CSGALNACT1: variants seen among roughly 807,000 people sequenced by gnomAD.
The protein encoded by CSGALNACT1 is beta4GalNAcT-1.
A neutral mutation model predicts 51.0 loss-of-function variants in CSGALNACT1; 52 were observed. The observed-to-expected ratio is 1.02, with a 90% CI of 0.82 to 1.29. The LOEUF is 1.29. Ranked by LOEUF, CSGALNACT1 falls within the 50% of genes most tolerant of loss-of-function variation. The pLI, the probability that CSGALNACT1 is intolerant of heterozygous loss-of-function variation, is 0.00. For synonymous variants in CSGALNACT1, 341 were observed against 254.4 expected, an observed-to-expected ratio of 1.34 and a Z score of -3.24; for missense variants, 935 against 679.2, an observed-to-expected ratio of 1.38 and a Z score of -4.19.
chr8:19,735,839 A>G (rs2063938111), intron 1 of CSGALNACT1, among the ~76,000 whole-genome samples: 1 of 152,216 alleles, frequency 6.6e-6, no homozygotes, highest in South Asian at 2.1e-4. Flanking sequence ...ATTGAACATT[A>G]AAAACAAATT....
intron 8 of CSGALNACT1, among the ~76,000 whole-genome samples, chr8:19,411,399 C>G (rs139945779): frequency 2.6e-3 from 394 of 152,292 alleles, no homozygotes; most frequent in African/African-American, 9.1e-3. Flanking sequence ...TCTCCAGCAC[C>G]CAGAACATTG....
At chr8:19,425,157 A>G (rs1309698871) in intron 6 of CSGALNACT1, among the ~76,000 whole-genome samples, 1 of 152,188 alleles carries the variant, frequency 6.6e-6, no homozygotes, top group African/African-American at 2.4e-5. Flanking sequence ...GAACTGACCA[A>G]CATGGTGAAA....
chr8:19,563,546 ATC>A (rs1312276872), intron 3 of CSGALNACT1, among the ~76,000 whole-genome samples: 2 of 152,104 alleles, frequency 1.3e-5, no homozygotes, highest in Non-Finnish European at 2.9e-5. Flanking sequence ...TTGCCTCCAC[ATC>A]TGTGTCAAAA....
At chr8:19,601,676 A>G in intron 2 of CSGALNACT1, 95 bp downstream of exon 2, 1 of 360,802 alleles carries the variant, frequency 2.8e-6, no homozygotes, top group African/African-American at 2.1e-5. Flanking sequence ...TATTGACAGT[A>G]GAATGAAATT....
intron 1 of CSGALNACT1, among the ~76,000 whole-genome samples, chr8:19,615,315 G>A (rs1272009785): frequency 1.3e-5 from 2 of 152,152 alleles, no homozygotes; most frequent in Admixed American, 6.5e-5. Flanking sequence ...TCAATCAACT[G>A]ATAAATAACG....
chr8:19,576,539 C>A (rs944245144), intron 3 of CSGALNACT1, among the ~76,000 whole-genome samples: 1 of 151,938 alleles, frequency 6.6e-6, no homozygotes, highest in African/African-American at 2.4e-5. Context: ...GATAAGATTG[C>A]TGTCACCTTC....
chr8:19,563,604 TTCC>T (rs1293195903), intron 3 of CSGALNACT1, among the ~76,000 whole-genome samples: 2 of 152,086 alleles, frequency 1.3e-5, no homozygotes, highest in Non-Finnish European at 2.9e-5. Context: ...ATATGCCTGC[TTCC>T]TCCTATTCCC....
intron 3 of CSGALNACT1, among the ~76,000 whole-genome samples, chr8:19,582,757 A>C (rs1379077585): frequency 6.6e-6 from 1 of 152,200 alleles, no homozygotes; most frequent in African/African-American, 2.4e-5. Context: ...AAGCTATCTG[A>C]GTCCCTGGAC....
At chr8:19,750,691 A>G (rs962709685) in intron 1 of CSGALNACT1, among the ~76,000 whole-genome samples, 2 of 152,180 alleles carry the variant, frequency 1.3e-5, no homozygotes, top group South Asian at 4.1e-4. Flanking sequence ...GTCCACCACC[A>G]AAGTCTCAAA....
At chr8:19,473,144 C>A (rs2068599433) in intron 4 of CSGALNACT1, among the ~76,000 whole-genome samples, 1 of 152,010 alleles carries the variant, frequency 6.6e-6, no homozygotes, top group Non-Finnish European at 1.5e-5. Context: ...CCACTGTGGA[C>A]CCAGAGATGT....
At chr8:19,467,091 C>T (rs986097186) in intron 4 of CSGALNACT1, among the ~76,000 whole-genome samples, 4 of 148,444 alleles carry the variant, frequency 2.7e-5, no homozygotes, top group African/African-American at 9.9e-5. Context: ...CTCATTTCAC[C>T]ATTGGTACTA....
intron 3 of CSGALNACT1, among the ~76,000 whole-genome samples, chr8:19,580,217 C>A (rs539148785): frequency 6.6e-6 from 1 of 152,112 alleles, no homozygotes; most frequent in African/African-American, 2.4e-5. Context: ...CACAAAGATC[C>A]GAGAGAAAAG....
chr8:19,602,131 T>A (rs1412066278), exon 1 of CSGALNACT1: 1 of 179,640 alleles, frequency 5.6e-6, no homozygotes, highest in Admixed American at 6.2e-5. Flanking sequence ...CATTTTCATG[T>A]GAAAAAGAGC....
intron 1 of CSGALNACT1, among the ~76,000 whole-genome samples, chr8:19,691,511 C>T (rs1311006565): frequency 6.6e-6 from 1 of 152,210 alleles, no homozygotes; most frequent in Non-Finnish European, 1.5e-5. Flanking sequence ...TTAGACCAAA[C>T]AACTAACTCC....
chr8:19,494,314 C>T (rs1315121937), intron 4 of CSGALNACT1, among the ~76,000 whole-genome samples: 1 of 152,124 alleles, frequency 6.6e-6, no homozygotes, highest in Non-Finnish European at 1.5e-5. Flanking sequence ...CCACAACACA[C>T]ACACATCTTT....
intron 3 of CSGALNACT1, among the ~76,000 whole-genome samples, chr8:19,558,228 C>A (rs569112505): frequency 1.3e-5 from 2 of 152,278 alleles, no homozygotes; most frequent in Non-Finnish European, 2.9e-5. Flanking sequence ...ATTTAAGCTA[C>A]CTTTTGGCAC....
intron 3 of CSGALNACT1, among the ~76,000 whole-genome samples, chr8:19,539,986 G>T (rs937580868): frequency 2.6e-5 from 4 of 152,162 alleles, no homozygotes; most frequent in Non-Finnish European, 5.9e-5. Flanking sequence ...AAGAAATACT[G>T]AGAGAACTAG....
At chr8:19,740,653 A>C (rs1265526931) in intron 1 of CSGALNACT1, among the ~76,000 whole-genome samples, 3 of 152,224 alleles carry the variant, frequency 2.0e-5, no homozygotes, top group African/African-American at 7.2e-5. Context: ...CCCATTCAAC[A>C]GCCTGTTGAA....
intron 3 of CSGALNACT1, among the ~76,000 whole-genome samples, chr8:19,551,547 A>G (rs1433153473): frequency 6.6e-6 from 1 of 152,196 alleles, no homozygotes; most frequent in Non-Finnish European, 1.5e-5. Context: ...CCCTGGAAGA[A>G]CCATGCTTCA....
Sources: gnomAD v4.1 joint callset for allele counts (sites outside exome capture counted in the v4.1 genomes callset) on GRCh38, gnomAD v4.1.1 for gene constraint, MANE v1.5 for transcripts, NCBI Gene and HGNC (gene_info 2026-07-23, HGNC 2026-07-21) for gene names.